The following TP53I11 variants were observed in gnomAD, a reference collection of about 807,000 sequenced individuals.
TP53I11 encodes the protein tumor protein p53-inducible protein 11.
Under a neutral mutation model 23.3 loss-of-function variants are expected in TP53I11, and 9 were observed. The ratio of observed to expected loss-of-function variants is 0.39; its 90% CI spans 0.23 to 0.67. The LOEUF (loss-of-function observed/expected upper bound fraction) is 0.67, where lower values mean the gene tolerates loss of function less well. Ranked by LOEUF, TP53I11 falls within the 30% of genes least tolerant of loss-of-function variation. The pLI is 0.48. For synonymous variants in TP53I11, 100 were observed against 106.1 expected, an observed-to-expected ratio of 0.94 and a Z score of 0.35; for missense variants, 170 against 255.2, an observed-to-expected ratio of 0.67 and a Z score of 2.27.
At chr11:44,949,715 A>G (rs1005433415) in intron 1 of TP53I11, among the ~76,000 whole-genome samples, 2 of 152,024 alleles carry the variant, frequency 1.3e-5, no homozygotes, top group African/African-American at 4.8e-5. Flanking sequence ...GGTAGGTGCG[A>G]GTGTTCTGCC....
Position 44,934,908 on chromosome 11 carries a change from G to T in TP53I11, c.546C>A (p.Val182=), listed in dbSNP as rs61752934. ...ACTAGGCCTTCTTGGGTCTTCGGCC[G>T]ACTTGGTAATAGTAGTAAATGCTGA... ...VVISIYYYYQ[V]GRRPKKA Residue 182 remains valine, a synonymous_variant, in exon 7 of 7, where the codon GTC becomes GTA. Coordinates refer to ENST00000525680, the MANE Select transcript of TP53I11 (RefSeq NM_006034.5). 23 of 1,613,996 alleles carry T rather than the reference G, an allele frequency of 1.4e-5. No individual in the cohort carries two copies. Among genetic ancestry groups the T allele is most frequent in the African/African-American group, 2.7e-5 (2 of 74,938 alleles).
upstream of TP53I11, chr11:44,950,992 G>C (rs1236947770): frequency 6.6e-6 from 1 of 151,954 alleles, no homozygotes; most frequent in Non-Finnish European, 1.5e-5. Flanking sequence ...CGGGGCGGGC[G>C]GGATGGGGGT....
intron 1 of TP53I11, among the ~76,000 whole-genome samples, chr11:44,946,618 G>A (rs1415998708): frequency 1.3e-5 from 2 of 152,234 alleles, no homozygotes; most frequent in Non-Finnish European, 2.9e-5. Flanking sequence ...AGAACCTCCA[G>A]GAACATGTGC....
chr11:44,940,122 G>A (rs1861610317), intron 1 of TP53I11, among the ~76,000 whole-genome samples: 1 of 152,244 alleles, frequency 6.6e-6, no homozygotes. Flanking sequence ...GCTACAATTA[G>A]CCACGTCCCT....
rs1229461323 is a variant in TP53I11 at position 44,936,202 on chromosome 11, G to C, written c.335-540C>G. The C allele has an allele frequency of 9.8e-7, 1 of 1,017,664 alleles. No homozygotes were observed. Among genetic ancestry groups the C allele is most frequent in the African/African-American group, 1.7e-5 (1 of 58,562 alleles). The allele number at this position is 1,017,664 out of a possible 1,614,324, so 63.0% of individuals were successfully genotyped here. ...GGCCCCGCCCACCCAGTGTCTGCTG[G>C]TACCAGACATGCCACTGGGTGTGCA... On this transcript the variant is annotated intron_variant, in intron 5 of 6. Transcript: ENST00000525680. This position sits in a 1 kb window ranked among gnomAD's most constrained non-coding sequence, Gnocchi z 4.4.
rs1372352529 is a variant in TP53I11 at position 44,933,154 on chromosome 11, G to A, written c.*1730C>T. 1 of 152,248 alleles carries A rather than the reference G, an allele frequency of 6.6e-6. No homozygotes were observed. Among genetic ancestry groups the A allele is most frequent in the African/African-American group, 2.4e-5 (1 of 41,436 alleles). 9.4% of individuals were successfully genotyped at this position (152,248 alleles called of 1,614,324 possible). On this transcript the variant is annotated 3_prime_UTR_variant, in exon 7 of 7. Transcript: ENST00000525680. Reference sequence around the variant, plus strand: ...TGCCAGGAGAGGGGCCCTTCCTCAGGGTCCAGCCTCCCATTCTGCTCTGCC... The same window carrying A: ...TGCCAGGAGAGGGGCCCTTCCTCAGAGTCCAGCCTCCCATTCTGCTCTGCC...
intron 1 of TP53I11, among the ~76,000 whole-genome samples, chr11:44,942,251 A>AC (rs1861920090): frequency 7.0e-6 from 1 of 143,128 alleles, no homozygotes; most frequent in Non-Finnish European, 1.5e-5. Flanking sequence ...ACACACACCC[A>AC]CACACTACAC....
chr11:44,939,125 C>G (rs1475068233), intron 1 of TP53I11: 1 of 152,250 alleles, frequency 6.6e-6, no homozygotes, highest in Non-Finnish European at 1.5e-5. Flanking sequence ...GCGTGCCAGC[C>G]CCTGTGCTGG....
chr11:44,941,309 G>A (rs1235842703), intron 1 of TP53I11, among the ~76,000 whole-genome samples: 5 of 152,194 alleles, frequency 3.3e-5, no homozygotes, highest in Non-Finnish European at 1.5e-5. Flanking sequence ...GTCCTCATCT[G>A]TGAAACGAAA....
chr11:44,944,995 A>T (rs1172127750), intron 1 of TP53I11, among the ~76,000 whole-genome samples: 1 of 152,188 alleles, frequency 6.6e-6, no homozygotes, highest in Non-Finnish European at 1.5e-5. Context: ...CAGCATGAAG[A>T]CTATGCCCGT....
intron 1 of TP53I11, among the ~76,000 whole-genome samples, chr11:44,941,489 G>A (rs1034890582): frequency 1.2e-4 from 19 of 152,152 alleles, no homozygotes; most frequent in Non-Finnish European, 2.1e-4. Context: ...TCACTGCCTG[G>A]CTGTGTGCCC....
intron 1 of TP53I11, among the ~76,000 whole-genome samples, chr11:44,944,099 C>T (rs547304455): frequency 1.4e-4 from 21 of 152,322 alleles, no homozygotes; most frequent in African/African-American, 4.6e-4. Context: ...CACACCACAG[C>T]GCCTTACTTG....
chr11:44,950,681 C>G lies in TP53I11; in HGVS notation c.-36G>C, dbSNP rs1565140348. ...GCGGCGGGGAGCAGAACTTACGGGC[C>G]TCGCGCGTGCCGGCGCTGGGCTACG... is the stretch of plus-strand genomic sequence containing the variant. On this transcript the variant is annotated 5_prime_UTR_variant, in exon 1 of 7. Transcript: ENST00000525680. 1 of 152,114 alleles carries G rather than the reference C, an allele frequency of 6.6e-6. No individual in the cohort carries two copies. 9.4% of individuals were successfully genotyped at this position (152,114 alleles called of 1,614,324 possible).
At chr11:44,939,576 G>C (rs1861545648) in intron 1 of TP53I11, among the ~76,000 whole-genome samples, 1 of 152,198 alleles carries the variant, frequency 6.6e-6, no homozygotes, top group Admixed American at 6.5e-5. Flanking sequence ...CAGAGTGCGG[G>C]GATGTCCCCG....
Position 44,939,573 on chromosome 11 carries a change from C to T in TP53I11, c.-31-1207G>A, listed in dbSNP as rs559697594. Among the ~76,000 whole-genome samples, 19 of 152,314 alleles carry T rather than the reference C, an allele frequency of 1.2e-4. No individual in the cohort carries two copies. The East Asian group carries it at 2.5e-3, about 20-fold the overall frequency. On this transcript the variant is annotated intron_variant, in intron 1 of 6. Coordinates refer to ENST00000525680, the MANE Select transcript of TP53I11 (RefSeq NM_006034.5). ...AGCCAGGGCTGCCAGAGGCAGAGTG[C>T]GGGGATGTCCCCGGGTCACCTCCCA...
intron 6 of TP53I11, 61 bp from the exon 7 acceptor site, chr11:44,935,078 C>T (rs1054594148): frequency 3.1e-6 from 5 of 1,601,596 alleles, no homozygotes; most frequent in Non-Finnish European, 4.3e-6. Flanking sequence ...CCAGCGCTGC[C>T]CCCCTAGCCC....
chr11:44,940,333 A>G (rs570055225), intron 1 of TP53I11, among the ~76,000 whole-genome samples: 31 of 152,306 alleles, frequency 2.0e-4, no homozygotes, highest in African/African-American at 7.0e-4. Context: ...ACACGTATAG[A>G]TTTTTGTAGC....
rs1036479856 is a variant in TP53I11 at position 44,938,026 on chromosome 11, G to A, written c.129+181C>T. ...AAGCAACTGCTGGAAAACCGGGCAC[G>A]TAATAGGCACTTAATTCTAATGATC... On this transcript the variant is annotated intron_variant, in intron 2 of 6. Transcript: ENST00000525680. Among the ~76,000 whole-genome samples the A allele has an allele frequency of 3.9e-5, 6 of 152,198 alleles. No individual in the cohort carries two copies. In the East Asian group the frequency reaches 5.8e-4, roughly 15 times the overall value.
In TP53I11 at chr11:44,950,707, T is replaced by A. The variant is rs1862870884; in HGVS notation, c.-62A>T. 6.6e-6 allele frequency: 1 copy of A among 152,372 alleles called. No individual in the cohort carries two copies. Among genetic ancestry groups the A allele is most frequent in the Non-Finnish European group, 1.5e-5 (1 of 68,482 alleles). The allele number at this position is 152,372 out of a possible 1,614,324, so 9.4% of individuals were successfully genotyped here. On this transcript the variant is annotated 5_prime_UTR_variant, in exon 1 of 7. Coordinates refer to ENST00000525680, the MANE Select transcript of TP53I11 (RefSeq NM_006034.5). Reference sequence around the variant, plus strand: ...TCGCGCGTGCCGGCGCTGGGCTACGTGGAGCTGATGCCAGGCGGAGGCTCC... The same window carrying A: ...TCGCGCGTGCCGGCGCTGGGCTACGAGGAGCTGATGCCAGGCGGAGGCTCC...
Sources: gnomAD v4.1 joint callset for allele counts (sites outside exome capture counted in the v4.1 genomes callset) on GRCh38, gnomAD v4.1.1 for gene constraint, Gnocchi (gnomAD v3.1) non-coding constraint, MANE v1.5 for transcripts, NCBI Gene and HGNC (gene_info 2026-07-23, HGNC 2026-07-21) for gene names.